CYFIP2: variants seen among roughly 807,000 people sequenced by gnomAD.
CYFIP2 encodes cytoplasmic FMR1-interacting protein 2.
Under a neutral mutation model 158.7 loss-of-function variants are expected in CYFIP2, and 29 were observed. That is an observed-to-expected ratio of 0.18 (90% confidence interval 0.14 to 0.25). The LOEUF (loss-of-function observed/expected upper bound fraction) is 0.25, where lower values mean the gene tolerates loss of function less well. Among genes scored for constraint, CYFIP2 ranks in the 10% least tolerant of loss-of-function variants. The pLI, the probability that CYFIP2 is intolerant of heterozygous loss-of-function variation, is 1.00. For missense variants in CYFIP2, 852 were observed against 1,639.5 expected (o/e 0.52, Z 8.29); for synonymous variants, 585 against 617.6 (o/e 0.95, Z 0.78).
At chr5:157,357,362 A>T (rs1763481487) in intron 23 of CYFIP2, among the ~76,000 whole-genome samples, 1 of 152,240 alleles carries the variant, frequency 6.6e-6, no homozygotes, top group African/African-American at 2.4e-5. Context: ...GGAGTTGAAA[A>T]TCTTGCAGTA....
At chr5:157,373,938 A>C (rs530174181) in intron 26 of CYFIP2, among the ~76,000 whole-genome samples, 1 of 152,368 alleles carries the variant, frequency 6.6e-6, no homozygotes, top group South Asian at 2.1e-4. Flanking sequence ...GCAATCATTA[A>C]AACATATCTA....
chr5:157,311,753 C>G lies in CYFIP2; in HGVS notation c.1082C>G (p.Ser361Cys). The stretch of plus-strand genomic sequence containing the variant: ...CGGGATGACCACATCCGCTTCATCT[C>G]CGAGCTCGCTCGCTACAGCAACAGT... ...QIRDDHIRFI[S>C]ELARYSNSEV... The change falls in exon 11 of 31, where the codon TCC becomes TGC. Residue 361 changes from serine to cysteine, a missense_variant. By Grantham distance (112) the Ser-to-Cys change is moderately radical. Coordinates refer to ENST00000620254, the MANE Select transcript of CYFIP2 (RefSeq NM_001037333.3). The surrounding 1 kb of genome is among the most constrained non-coding windows in gnomAD (Gnocchi z 4.7). 1 of 1,603,624 alleles carries G rather than the reference C, an allele frequency of 6.2e-7. No individual in the cohort carries two copies.
At chr5:157,389,054 C>T in intron 28 of CYFIP2, 135 bp from the exon 29 acceptor site, 1 of 733,826 alleles carries the variant, frequency 1.4e-6, no homozygotes. Flanking sequence ...AATTTTGTGC[C>T]CTGCTCTGAA....
At chr5:157,364,767 A>G (rs1764209160) in intron 26 of CYFIP2, 1 of 152,098 alleles carries the variant, frequency 6.6e-6, no homozygotes, top group Non-Finnish European at 1.5e-5. Context: ...TAGTTTAGGA[A>G]GCTAGAATTA....
intron 23 of CYFIP2, among the ~76,000 whole-genome samples, chr5:157,346,338 G>C (rs925248381): frequency 1.3e-5 from 2 of 152,208 alleles, no homozygotes; most frequent in Non-Finnish European, 2.9e-5. Flanking sequence ...ACCTTAGGAT[G>C]TGACCTGATT....
At chr5:157,270,594 A>G (rs1756010444) in intron 1 of CYFIP2, among the ~76,000 whole-genome samples, 1 of 152,240 alleles carries the variant, frequency 6.6e-6, no homozygotes, top group African/African-American at 2.4e-5. Flanking sequence ...ATGAATGGCA[A>G]GATAAGAATT....
At position 157,393,526 on chromosome 5, in the gene CYFIP2, T is replaced by C. The variant is rs1244478656; in HGVS notation, c.*526T>C. On this transcript the variant is annotated 3_prime_UTR_variant, in exon 31 of 31. Coordinates refer to ENST00000620254, the MANE Select transcript of CYFIP2 (RefSeq NM_001037333.3). ...CCCCGGGTGTCATCTTCTCCCACTCTGGGTACCAGGGATTCTACCACATAG... is the reference window on the plus strand; with the variant it reads ...CCCCGGGTGTCATCTTCTCCCACTCCGGGTACCAGGGATTCTACCACATAG... 1 of 148,862 alleles carries C rather than the reference T, an allele frequency of 6.7e-6. No individual in the cohort carries two copies. The highest frequency in any genetic ancestry group is 1.5e-5 in the Non-Finnish European group (1 of 68,436). The allele number at this position is 148,862 out of a possible 1,614,324, so 9.2% of individuals were successfully genotyped here.
At chr5:157,382,125 A>T (rs1311601319) in intron 26 of CYFIP2, among the ~76,000 whole-genome samples, 1 of 152,144 alleles carries the variant, frequency 6.6e-6, no homozygotes. Flanking sequence ...GTGTGGAGAA[A>T]ACCAATCAGA....
intron 15 of CYFIP2, 81 bp from the exon 16 acceptor site, chr5:157,323,840 C>A: frequency 2.2e-6 from 3 of 1,352,060 alleles, no homozygotes; most frequent in Non-Finnish European, 1.9e-6. Context: ...AAAAAAAATA[C>A]ATAAATACAA....
rs1325126175 is a variant in CYFIP2 at position 157,333,385 on chromosome 5, T to C, written c.2324T>C (p.Met775Thr). The change falls in exon 21 of 31, where the codon ATG (methionine) becomes ACG (threonine). Residue 775 changes from methionine to threonine, a missense_variant. Around this residue, in one of 8 missense-constraint regions of CYFIP2, gnomAD observed 191 missense variants for 311.2 expected, o/e 0.61. Transcript: ENST00000620254. ...RLITQRISAA[M>T]YKSLDQAISR... ...ATTACCCAGCGCATCTCTGCCGCCA[T>C]GTATAAATCCTTGGACCAAGCTATC... is the stretch of plus-strand genomic sequence containing the variant. 5 of 1,614,034 alleles carry C rather than the reference T, an allele frequency of 3.1e-6. No homozygotes were observed. Among genetic ancestry groups the C allele is most frequent in the Non-Finnish European group, 3.4e-6 (4 of 1,179,878 alleles).
chr5:157,389,520 A>T, intron 29 of CYFIP2, 93 bp downstream of exon 29: 11 of 1,196,414 alleles, frequency 9.2e-6, no homozygotes, highest in Non-Finnish European at 1.3e-5. Flanking sequence ...AAACGTGGGC[A>T]GGGGGTGGGG....
chr5:157,343,679 C>T (rs1009408794), intron 23 of CYFIP2: 12 of 750,072 alleles, frequency 1.6e-5, no homozygotes, highest in Non-Finnish European at 2.3e-5. Flanking sequence ...AAATGGAGGC[C>T]GAGAGGTTCT....
intron 26 of CYFIP2, among the ~76,000 whole-genome samples, chr5:157,370,535 A>T (rs1764899507): frequency 6.6e-6 from 1 of 152,216 alleles, no homozygotes; most frequent in Non-Finnish European, 1.5e-5. Context: ...TTTGATAAAA[A>T]CAAGATTAGT....
chr5:157,325,378 A>G (rs1301059501), intron 16 of CYFIP2, 104 bp from the exon 17 acceptor site: 2 of 1,298,786 alleles, frequency 1.5e-6, no homozygotes, highest in African/African-American at 1.5e-5. Context: ...TACCTGCTAC[A>G]TACCTAACAC....
chr5:157,378,620 A>T (rs1318668493), intron 26 of CYFIP2, among the ~76,000 whole-genome samples: 1 of 152,144 alleles, frequency 6.6e-6, no homozygotes, highest in Non-Finnish European at 1.5e-5. Flanking sequence ...TGTCAGCCTT[A>T]CTGCTTATTT....
At chr5:157,364,523 C>T (rs1764186736) in intron 26 of CYFIP2, 1 of 152,266 alleles carries the variant, frequency 6.6e-6, no homozygotes, top group African/African-American at 2.4e-5. Flanking sequence ...AGGAGGAACT[C>T]ACCTGAGGTC....
intron 28 of CYFIP2, among the ~76,000 whole-genome samples, chr5:157,388,745 A>G (rs1335059069): frequency 6.6e-6 from 1 of 152,218 alleles, no homozygotes; most frequent in Non-Finnish European, 1.5e-5. Context: ...CTTCGTCTGT[A>G]AAATGGGGAG....
At chr5:157,343,411 G>A in intron 23 of CYFIP2, 1 of 1,614,182 alleles carries the variant, frequency 6.2e-7, no homozygotes, top group Non-Finnish European at 8.5e-7. Context: ...AGCGAAGATA[G>A]CCAGAGAAGA....
intron 5 of CYFIP2, 43 bp downstream of exon 5, chr5:157,296,817 GC>G: frequency 6.6e-7 from 1 of 1,518,042 alleles, no homozygotes; most frequent in Non-Finnish European, 9.1e-7. Context: ...AACTGAAAAG[GC>G]CCCTAGTTTT....
Sources: allele counts gnomAD v4.1 joint callset (sites outside exome capture counted in the v4.1 genomes callset), GRCh38; gene constraint gnomAD v4.1.1; regional missense constraint gnomAD v4.1.1; non-coding constraint Gnocchi (gnomAD v3.1); transcripts MANE v1.5; gene names NCBI Gene and HGNC (gene_info 2026-07-23, HGNC 2026-07-21).